The following DOCK11 variants were observed in gnomAD, a reference collection of about 807,000 sequenced individuals.
DOCK11 encodes dedicator of cytokinesis 11, also known as dedicator of cytokinesis protein 11.
A neutral mutation model predicts 169.1 loss-of-function variants in DOCK11; 70 were observed. That is an observed-to-expected ratio of 0.41 (90% CI 0.34 to 0.51). The LOEUF (loss-of-function observed/expected upper bound fraction) is 0.51, where lower values mean the gene tolerates loss of function less well. Ranked by LOEUF, DOCK11 falls within the 20% of genes least tolerant of loss-of-function variation. The pLI is 0.10. For missense variants in DOCK11, 1,166 were observed against 1,538.8 expected (o/e 0.76, Z 4.05); for synonymous variants, 529 against 541.3 (o/e 0.98, Z 0.32).
rs2012906256 is a variant in DOCK11 at position 118,561,451 on chromosome X, A to G, written c.627A>G (p.Lys209=). The change falls in exon 7 of 53, where the codon AAA becomes AAG. Residue 209 remains lysine (K), a synonymous_variant. Coordinates refer to ENST00000276202, the MANE Select transcript of DOCK11 (RefSeq NM_144658.4). ...PDGSYILNSY[K]DEKNSKESKG... ...GTTCATATATTCTCAATTCCTATAA[A>G]GATGAGAAAAATTCAAAAGAATCGA... 1 of 1,208,243 alleles carries G rather than the reference A, an allele frequency of 8.3e-7. No homozygotes were observed. Among genetic ancestry groups the G allele is most frequent in the African/African-American group, 1.7e-5 (1 of 57,815 alleles).
chrX:118,560,978 GTATATGTA>G (rs772495309), intron 6 of DOCK11, among the ~76,000 whole-genome samples: 1 of 111,420 alleles, frequency 9.0e-6, no homozygotes, highest in Non-Finnish European at 1.9e-5. Flanking sequence ...TGTAATGTGG[GTATATGTA>G]TATATGTATA....
chrX:118,610,536 CTT>C (rs2014657294), intron 28 of DOCK11, 118 bp downstream of exon 28: 7 of 800,551 alleles, frequency 8.7e-6, no homozygotes, highest in Non-Finnish European at 1.2e-5. Flanking sequence ...TGTTGGAAAA[CTT>C]AGGTTGCTTA....
chrX:118,582,354 C>G (rs1293821128), intron 14 of DOCK11, among the ~76,000 whole-genome samples: 1 of 111,879 alleles, frequency 8.9e-6, no homozygotes, highest in Non-Finnish European at 1.9e-5. Flanking sequence ...AAAGCCATCT[C>G]TAGACCACTG....
chrX:118,628,098 C>T, intron 33 of DOCK11, 65 bp from the exon 34 acceptor site: 1 of 696,134 alleles, frequency 1.4e-6, no homozygotes, highest in Middle Eastern at 4.8e-4. Context: ...TAGTTCCGTA[C>T]TTTTTAAATA....
chrX:118,645,686 T>C (rs931688030), intron 40 of DOCK11, among the ~76,000 whole-genome samples: 2 of 108,157 alleles, frequency 1.8e-5, no homozygotes, highest in African/African-American at 6.8e-5. Context: ...ATAATTATTA[T>C]ATGTTCTAGG....
rs1448622566 is a variant in DOCK11 at position 118,593,196 on chromosome X, A to T, written c.2140-18A>T. On this transcript the variant is annotated intron_variant, in intron 19 of 52. Transcript: ENST00000276202. ...TTGAGAAAACGAAGTTCCATGTGTA[A>T]TTTTGCTTTCATTTCAGATTAAAAT... 2.5e-6 allele frequency: 3 copies of T among 1,188,215 alleles called. No homozygotes were observed. Among genetic ancestry groups the T allele is most frequent in the East Asian group, 6.1e-5 (2 of 32,930 alleles).
intron 19 of DOCK11, among the ~76,000 whole-genome samples, chrX:118,591,510 A>G (rs1004717362): frequency 9.1e-6 from 1 of 110,115 alleles, no homozygotes; most frequent in African/African-American, 3.3e-5. Context: ...AAAAAACTTG[A>G]TCATGTAGTA....
intron 14 of DOCK11, 79 bp downstream of exon 14, chrX:118,580,258 G>C: frequency 1.2e-6 from 1 of 808,309 alleles, no homozygotes; most frequent in East Asian, 3.5e-5. Flanking sequence ...CCAGCATTCA[G>C]CACTGTGTTT....
chrX:118,590,287 A>G lies in DOCK11; in HGVS notation c.2124A>G (p.Pro708=). 1 of 1,204,854 alleles carries G rather than the reference A, an allele frequency of 8.3e-7. No homozygotes were observed. The highest frequency in any genetic ancestry group is 1.1e-6 in the Non-Finnish European group (1 of 889,393). Residue 708 remains proline, a synonymous_variant, in exon 19 of 53, where the codon CCA becomes CCG. Coordinates refer to ENST00000276202, the MANE Select transcript of DOCK11 (RefSeq NM_144658.4). The part of the protein sequence containing the change: ...YAVVSHHNQN[P]EFYDEIKIEL... Reference sequence around the variant, plus strand: ...TTGTCTCGCATCACAACCAAAATCCAGAGTTCTATGATGAGGTAAAAATAT... The same window carrying G: ...TTGTCTCGCATCACAACCAAAATCCGGAGTTCTATGATGAGGTAAAAATAT...
intron 1 of DOCK11, among the ~76,000 whole-genome samples, chrX:118,505,177 C>T (rs989514623): frequency 1.4e-4 from 16 of 111,603 alleles, no homozygotes; most frequent in African/African-American, 5.2e-4. Flanking sequence ...GTGTGCACCA[C>T]CATTGCCCGG....
At chrX:118,641,660 G>A (rs1371352477) in intron 39 of DOCK11, among the ~76,000 whole-genome samples, 1 of 111,812 alleles carries the variant, frequency 8.9e-6, no homozygotes, top group Non-Finnish European at 1.9e-5. Flanking sequence ...GAGATGTCCT[G>A]TCAGGGTAGA....
intron 31 of DOCK11, among the ~76,000 whole-genome samples, chrX:118,624,200 C>G (rs2015042228): frequency 1.8e-5 from 2 of 112,926 alleles, no homozygotes; most frequent in African/African-American, 6.4e-5. Context: ...CAGACACTGT[C>G]CCTGCTCTCA....
chrX:118,546,210 C>CAAAAAAAA lies in DOCK11; in HGVS notation c.558+108_558+115dup, dbSNP rs1556269491. 8 of 49,316 alleles carry CAAAAAAAA rather than the reference C, an allele frequency of 1.6e-4. 1 individual carries two copies. Among genetic ancestry groups the CAAAAAAAA allele is most frequent in the Admixed American group, 6.7e-4 (2 of 3,004 alleles). The allele number at this position is 49,316 out of a possible 1,213,427, so 4.1% of individuals were successfully genotyped here. A position where few individuals can be genotyped will look rare whatever the true frequency, so the allele number is the denominator to read the frequency against. On this transcript the variant is annotated intron_variant, in intron 6 of 52. Transcript: ENST00000276202. ...ATATTTATTTTACAAAGAGCCCTAG[C>CAAAAAAAA]AAAAAAAAAAAAAAAAAAAAAGGAG...
chrX:118,507,658 A>C (rs2057623140), intron 1 of DOCK11, among the ~76,000 whole-genome samples: 1 of 111,753 alleles, frequency 8.9e-6, no homozygotes, highest in South Asian at 3.7e-4. Flanking sequence ...CCCGTTTTTT[A>C]AATGGTGACA....
chrX:118,620,747 G>A lies in DOCK11; in HGVS notation c.3471+2019G>A, dbSNP rs768133270. Among the ~76,000 whole-genome samples, 13 of 112,102 alleles carry A rather than the reference G, an allele frequency of 1.2e-4. No individual in the cohort carries two copies. The South Asian group carries it at 4.8e-3, about 41-fold the overall frequency. On this transcript the variant is annotated intron_variant, in intron 31 of 52. Coordinates refer to ENST00000276202, the MANE Select transcript of DOCK11 (RefSeq NM_144658.4). The stretch of plus-strand genomic sequence containing the variant: ...GTCAAGCCTTTAAAAATGCATTATC[G>A]CTGGGTTCTGGCTAACTACTTGCTT...
At chrX:118,537,732 A>G (rs1159694555) in intron 1 of DOCK11, among the ~76,000 whole-genome samples, 2 of 111,968 alleles carry the variant, frequency 1.8e-5, no homozygotes, top group Non-Finnish European at 3.8e-5. Context: ...AACCACCACA[A>G]AATTGTAAAG....
chrX:118,545,532 C>T (rs990152318), intron 5 of DOCK11, 140 bp downstream of exon 5: 2 of 468,459 alleles, frequency 4.3e-6, no homozygotes, highest in Non-Finnish European at 6.6e-6. Context: ...GCTTTCAAAC[C>T]GGGTGCTTTT....
intron 30 of DOCK11, among the ~76,000 whole-genome samples, chrX:118,616,745 G>A (rs767530234): frequency 9.0e-6 from 1 of 111,451 alleles, no homozygotes; most frequent in Admixed American, 9.6e-5. Context: ...CCTGGCCCTT[G>A]TGCATAGAAG....
At chrX:118,521,435 A>T (rs187408915) in intron 1 of DOCK11, among the ~76,000 whole-genome samples, 45 of 112,732 alleles carry the variant, frequency 4.0e-4, no homozygotes, top group African/African-American at 1.4e-3. Context: ...AAGGGGGAAC[A>T]TGAACCATTA....
Sources: allele counts gnomAD v4.1 joint callset (sites outside exome capture counted in the v4.1 genomes callset), GRCh38; gene constraint gnomAD v4.1.1; transcripts MANE v1.5; gene names NCBI Gene and HGNC (gene_info 2026-07-23, HGNC 2026-07-21).